DYNC1I1: variants seen among roughly 807,000 people sequenced by gnomAD.
The protein encoded by DYNC1I1 is cytoplasmic dynein 1 intermediate chain 1.
A neutral mutation model predicts 86.6 loss-of-function variants in DYNC1I1; 43 were observed. The observed-to-expected ratio is 0.50, with a 90% confidence interval of 0.39 to 0.64. DYNC1I1 has a LOEUF of 0.64. Among genes scored for constraint, DYNC1I1 ranks in the 30% least tolerant of loss-of-function variants. The pLI, the probability that DYNC1I1 is intolerant of heterozygous loss-of-function variation, is 0.00. For synonymous variants in DYNC1I1, 262 were observed against 283.7 expected, an observed-to-expected ratio of 0.92 and a Z score of 0.77; for missense variants, 604 against 788.8, an observed-to-expected ratio of 0.77 and a Z score of 2.81.
At position 95,932,990 on chromosome 7, in the gene DYNC1I1, C is replaced by A. The variant is rs1253251297; in HGVS notation, c.491-44522C>A. Among the ~76,000 whole-genome samples the A allele has an allele frequency of 2.0e-5, 3 of 150,918 alleles. No homozygotes were observed. In the East Asian group the frequency reaches 5.9e-4, roughly 29 times the overall value. On this transcript the variant is annotated intron_variant, in intron 6 of 16. Transcript: ENST00000447467. ...TGAATTCCTGGGCTCAAGTGATCCT[C>A]CTGCCTCAGCTTCCTGAGTGTCTGG...
At chr7:95,932,905 A>G (rs1045112354) in intron 6 of DYNC1I1, among the ~76,000 whole-genome samples, 8 of 148,614 alleles carry the variant, frequency 5.4e-5, no homozygotes, top group East Asian at 2.0e-4. Flanking sequence ...TGAGATGACA[A>G]TGTCTCACTC....
At chr7:96,034,312 T>C (rs1042110362) in intron 12 of DYNC1I1, among the ~76,000 whole-genome samples, 1 of 152,254 alleles carries the variant, frequency 6.6e-6, no homozygotes, top group South Asian at 2.1e-4. Flanking sequence ...GCCTGAAGAT[T>C]ATAAACAGAC....
intron 11 of DYNC1I1, among the ~76,000 whole-genome samples, chr7:96,028,558 C>T (rs186696752): frequency 6.6e-6 from 1 of 152,272 alleles, no homozygotes; most frequent in East Asian, 1.9e-4. Flanking sequence ...CCTTGGCTCT[C>T]CCAAAGGCCA....
rs927441566 is a variant in DYNC1I1, at chr7:96,097,867, T to G, written c.*274T>G. On this transcript the variant is annotated 3_prime_UTR_variant, in exon 17 of 17. Transcript: ENST00000447467. Reference sequence around the variant, plus strand: ...TTAAGTTGCTGCCTTTTAACTACTTTGTAGCTGTATTTAATAGCTGGAAAC... The same window carrying G: ...TTAAGTTGCTGCCTTTTAACTACTTGGTAGCTGTATTTAATAGCTGGAAAC... 1.2e-5 allele frequency: 14 copies of G among 1,151,380 alleles called. No homozygotes were observed. The highest frequency in any genetic ancestry group is 1.4e-5 in the Non-Finnish European group (13 of 930,592). The allele number at this position is 1,151,380 out of a possible 1,614,324, so 71.3% of individuals were successfully genotyped here. A position where few individuals can be genotyped will look rare whatever the true frequency, so the allele number is the denominator to read the frequency against.
chr7:95,795,043 G>A (rs1794401230), intron 1 of DYNC1I1, among the ~76,000 whole-genome samples: 1 of 152,152 alleles, frequency 6.6e-6, no homozygotes, highest in Non-Finnish European at 1.5e-5. Flanking sequence ...GCTTTGATGG[G>A]GTGTATGGGA....
chr7:95,930,939 T>G (rs534134707), intron 6 of DYNC1I1, among the ~76,000 whole-genome samples: 1 of 152,194 alleles, frequency 6.6e-6, no homozygotes, highest in Non-Finnish European at 1.5e-5. Flanking sequence ...TATTTCAGTG[T>G]TCACAGGACA....
chr7:95,905,099 T>C (rs908306913), intron 6 of DYNC1I1, among the ~76,000 whole-genome samples: 3 of 152,354 alleles, frequency 2.0e-5, no homozygotes, highest in Non-Finnish European at 4.4e-5. Flanking sequence ...CTGACCCTTA[T>C]TTAAAGTGTT....
At position 96,029,784 on chromosome 7, in the gene DYNC1I1, G is replaced by A. The variant is rs566946627; in HGVS notation, c.1116+1463G>A. Among the ~76,000 whole-genome samples the A allele has an allele frequency of 1.4e-4, 21 of 152,022 alleles. No individual in the cohort carries two copies. In the South Asian group the frequency reaches 1.9e-3, roughly 14 times the overall value. ...AAAGTAGCTGGGTGTGGTGGTGCACGCCTGTAATCCTAGCTTCTTGGGAGG... is the reference window on the plus strand; with the variant it reads ...AAAGTAGCTGGGTGTGGTGGTGCACACCTGTAATCCTAGCTTCTTGGGAGG... On this transcript the variant is annotated intron_variant, in intron 11 of 16. Coordinates refer to ENST00000447467, the MANE Select transcript of DYNC1I1 (RefSeq NM_001135556.2).
intron 6 of DYNC1I1, among the ~76,000 whole-genome samples, chr7:95,874,417 G>T (rs189391618): frequency 8.7e-4 from 132 of 152,252 alleles, no homozygotes; most frequent in Non-Finnish European, 1.6e-3. Context: ...GAGAAGATAT[G>T]AGATACTTGA....
At chr7:95,863,420 G>A (rs533539174) in intron 5 of DYNC1I1, among the ~76,000 whole-genome samples, 2 of 152,140 alleles carry the variant, frequency 1.3e-5, no homozygotes, top group Non-Finnish European at 2.9e-5. Context: ...TAATTAGATA[G>A]TGGTGATGGT....
rs115508665 is a variant in DYNC1I1 at position 96,051,992 on chromosome 7, C to T, written c.1509+12571C>T. Among the ~76,000 whole-genome samples the T allele has an allele frequency of 7.7e-3, 1,179 of 152,210 alleles. 16 individuals are homozygous for T. The highest frequency in any genetic ancestry group is 0.027 in the African/African-American group (1,110 of 41,522). ...TATCTCTTGAATCACAGTGAGTATG[C>T]AACTGGGACAGAATTGCCATCCTTT... On this transcript the variant is annotated intron_variant, in intron 14 of 16. Coordinates refer to ENST00000447467, the MANE Select transcript of DYNC1I1 (RefSeq NM_001135556.2).
intron 6 of DYNC1I1, among the ~76,000 whole-genome samples, chr7:95,910,095 A>G (rs1351679948): frequency 6.6e-6 from 1 of 152,136 alleles, no homozygotes; most frequent in Non-Finnish European, 1.5e-5. Flanking sequence ...GGGATGCTGT[A>G]AGGATGAAGG....
intron 6 of DYNC1I1, among the ~76,000 whole-genome samples, chr7:95,938,238 C>T (rs770531738): frequency 6.6e-6 from 1 of 152,176 alleles, no homozygotes; most frequent in Admixed American, 6.6e-5. Context: ...CATATCTTTG[C>T]TCACTGATAC....
At chr7:95,820,119 A>T (rs1253766257) in intron 4 of DYNC1I1, among the ~76,000 whole-genome samples, 1 of 152,208 alleles carries the variant, frequency 6.6e-6, no homozygotes, top group Non-Finnish European at 1.5e-5. Flanking sequence ...CAACAGATGG[A>T]AAATTCTCCC....
intron 14 of DYNC1I1, among the ~76,000 whole-genome samples, chr7:96,059,331 A>G (rs2116156888): frequency 6.6e-6 from 1 of 152,256 alleles, no homozygotes; most frequent in African/African-American, 2.4e-5. Flanking sequence ...AAAATGCAAA[A>G]ACCATGGCAC....
downstream of DYNC1I1, among the ~76,000 whole-genome samples, chr7:96,101,136 A>G (rs940553751): frequency 2.6e-5 from 4 of 152,174 alleles, no homozygotes; most frequent in Non-Finnish European, 5.9e-5. Context: ...CACAACTGCC[A>G]TAATGACCAG....
chr7:96,110,319 T>C (rs914580030), downstream of DYNC1I1: 20 of 189,788 alleles, frequency 1.1e-4, no homozygotes, highest in Admixed American at 1.0e-3. Context: ...TAAATCTACT[T>C]TGACTGATAT....
chr7:95,839,206 T>G (rs1789208636), intron 5 of DYNC1I1, among the ~76,000 whole-genome samples: 1 of 152,106 alleles, frequency 6.6e-6, no homozygotes, highest in South Asian at 2.1e-4. Context: ...AATTTTTGTA[T>G]TTTTAGTAGA....
chr7:95,833,003 G>A (rs1176227791), intron 5 of DYNC1I1, among the ~76,000 whole-genome samples: 1 of 150,148 alleles, frequency 6.7e-6, no homozygotes, highest in East Asian at 2.0e-4. Flanking sequence ...TTTGGCTTTT[G>A]TTGCCATTGC....
Sources: gnomAD v4.1 joint callset for allele counts (sites outside exome capture counted in the v4.1 genomes callset) on GRCh38, gnomAD v4.1.1 for gene constraint, MANE v1.5 for transcripts, NCBI Gene and HGNC (gene_info 2026-07-23, HGNC 2026-07-21) for gene names.